The following SEMA3A variants were observed in gnomAD, a reference collection of about 807,000 sequenced individuals.
The protein encoded by SEMA3A is semaphorin-3A.
Under a neutral mutation model 97.9 loss-of-function variants are expected in SEMA3A, and 29 were observed. That is an observed-to-expected ratio of 0.30 (90% CI 0.22 to 0.40). The LOEUF is 0.40. SEMA3A is among the 10% of genes least tolerant of loss of function. SEMA3A has a pLI of 1.00. For synonymous variants in SEMA3A, 321 were observed against 323.7 expected (o/e 0.99, Z 0.09); for missense variants, 763 against 951.3 (o/e 0.80, Z 2.60).
chr7:84,154,956 G>A (rs1796795703), intron 1 of SEMA3A, among the ~76,000 whole-genome samples: 1 of 151,826 alleles, frequency 6.6e-6, no homozygotes, highest in Admixed American at 6.6e-5. Context: ...TTATTTCGAG[G>A]CCAATTATAT....
chr7:84,396,014 C>T (rs1015142870), intron 1 of SEMA3A, among the ~76,000 whole-genome samples: 1 of 151,952 alleles, frequency 6.6e-6, no homozygotes, highest in Admixed American at 6.6e-5. Context: ...CTGGAAGACA[C>T]ACTAAAGAAA....
intron 3 of SEMA3A, among the ~76,000 whole-genome samples, chr7:84,224,736 G>A (rs1798951332): frequency 1.3e-5 from 2 of 152,044 alleles, no homozygotes; most frequent in Admixed American, 1.3e-4. Flanking sequence ...CCACTGGGAA[G>A]TAGGTGTGAT....
chr7:84,001,472 A>T (rs1748486545), intron 12 of SEMA3A, among the ~76,000 whole-genome samples: 1 of 151,342 alleles, frequency 6.6e-6, no homozygotes, highest in Non-Finnish European at 1.5e-5. Context: ...AACCTCTCAA[A>T]TTTTTTTTTG....
chr7:84,108,909 A>AG (rs1245082653), intron 4 of SEMA3A, among the ~76,000 whole-genome samples: 45 of 125,170 alleles, frequency 3.6e-4, no homozygotes, highest in Non-Finnish European at 6.2e-4. Flanking sequence ...CATACTCACA[A>AG]GAAAAAAAAA....
intron 2 of SEMA3A, among the ~76,000 whole-genome samples, chr7:84,134,198 C>T (rs1235657987): frequency 6.6e-6 from 1 of 152,140 alleles, no homozygotes; most frequent in African/African-American, 2.4e-5. Context: ...CTTTGATCTC[C>T]TAGATCAGGG....
rs539139553 is a variant in SEMA3A at position 84,259,954 on chromosome 7, C to T, written c.-83+47253G>A. ...CTAGAGCACAGCTCATTGTAGATGC[C>T]GATACACAGCAAAACTTTTGATGCT... On this transcript the variant is annotated intron_variant, in intron 3 of 3. Transcript: ENST00000424555. Among the ~76,000 whole-genome samples, 10 of 152,148 alleles carry T rather than the reference C, an allele frequency of 6.6e-5. No homozygotes were observed. The East Asian group carries it at 9.7e-4, about 15-fold the overall frequency.
chr7:84,271,964 A>G (rs1800162724), intron 3 of SEMA3A, among the ~76,000 whole-genome samples: 1 of 152,036 alleles, frequency 6.6e-6, no homozygotes, highest in Non-Finnish European at 1.5e-5. Context: ...GCAAGCACTG[A>G]GTCTGTTTAC....
intron 3 of SEMA3A, among the ~76,000 whole-genome samples, chr7:84,268,314 G>T (rs544132630): frequency 6.5e-4 from 98 of 150,990 alleles, no homozygotes; most frequent in Non-Finnish European, 1.3e-3. Context: ...CTGAGAGAGA[G>T]AACTCTGACT....
chr7:84,208,175 T>A (rs574248202), intron 3 of SEMA3A, among the ~76,000 whole-genome samples: 10 of 152,058 alleles, frequency 6.6e-5, no homozygotes, highest in African/African-American at 2.4e-4. Flanking sequence ...AAGACAAGCC[T>A]GGCACTGTGG....
At chr7:84,349,685 G>A (rs1457773205) in intron 2 of SEMA3A, among the ~76,000 whole-genome samples, 6 of 152,222 alleles carry the variant, frequency 3.9e-5, no homozygotes, top group Admixed American at 3.3e-4. Flanking sequence ...AAAACAGTAC[G>A]CTCTCTGTTT....
chr7:84,061,040 A>C (rs926015023), intron 4 of SEMA3A, among the ~76,000 whole-genome samples: 2 of 152,154 alleles, frequency 1.3e-5, no homozygotes, highest in Non-Finnish European at 2.9e-5. Context: ...ATAGCCATCA[A>C]ATTTATTTTC....
chr7:84,150,482 C>G (rs915580075), intron 1 of SEMA3A, among the ~76,000 whole-genome samples: 1 of 152,150 alleles, frequency 6.6e-6, no homozygotes, highest in Non-Finnish European at 1.5e-5. Flanking sequence ...GGGTGACGGA[C>G]GGCACCTGGA....
chr7:84,065,236 A>C (rs879451432), intron 4 of SEMA3A, among the ~76,000 whole-genome samples: 87 of 134,634 alleles, frequency 6.5e-4, no homozygotes, highest in Non-Finnish European at 1.1e-3. Context: ...ACAAAGACAC[A>C]ACATACCAGA....
At chr7:84,052,010 C>G (rs1415291894) in intron 5 of SEMA3A, among the ~76,000 whole-genome samples, 3 of 151,684 alleles carry the variant, frequency 2.0e-5, no homozygotes, top group Non-Finnish European at 4.4e-5. Flanking sequence ...TGCTGGATTA[C>G]ATTTATTGAT....
rs114641109 is a variant in SEMA3A at position 84,172,871 on chromosome 7, A to G, written c.112+21604T>C. ...TTTATTTTTGTTTTGGAAAATATTG[A>G]AGTTCTAGAAAAAACATAAATTTCT... is the stretch of plus-strand genomic sequence containing the variant. On this transcript the variant is annotated intron_variant, in intron 1 of 16. Coordinates refer to ENST00000265362, the MANE Select transcript of SEMA3A (RefSeq NM_006080.3). Among the ~76,000 whole-genome samples the G allele has an allele frequency of 4.8e-3, 734 of 152,326 alleles. 5 individuals are homozygous for G. Among genetic ancestry groups the G allele is most frequent in the African/African-American group, 0.017 (693 of 41,580 alleles).
At chr7:84,250,168 CAT>C (rs1261103752) in intron 3 of SEMA3A, among the ~76,000 whole-genome samples, 8 of 151,046 alleles carry the variant, frequency 5.3e-5, no homozygotes, top group Admixed American at 1.3e-4. Flanking sequence ...TGTATAGAAA[CAT>C]ATAATTAGGC....
intron 1 of SEMA3A, among the ~76,000 whole-genome samples, chr7:84,470,918 A>C (rs942702257): frequency 1.3e-5 from 2 of 152,026 alleles, no homozygotes; most frequent in Admixed American, 6.6e-5. Context: ...CAGAGGGAAA[A>C]ATAGATTATG....
At chr7:84,432,315 GT>G (rs894660797) in intron 1 of SEMA3A, among the ~76,000 whole-genome samples, 3 of 151,686 alleles carry the variant, frequency 2.0e-5, no homozygotes, top group African/African-American at 4.8e-5. Context: ...AAATCATTTA[GT>G]TTTTTTTCTG....
intron 6 of SEMA3A, among the ~76,000 whole-genome samples, chr7:84,029,483 TATA>T (rs1287869441): frequency 6.6e-6 from 1 of 150,580 alleles, no homozygotes; most frequent in African/African-American, 2.4e-5. Context: ...CTACTTTAAC[TATA>T]ATGTTTATAG....
Sources: gnomAD v4.1 joint callset for allele counts (sites outside exome capture counted in the v4.1 genomes callset) on GRCh38, gnomAD v4.1.1 for gene constraint, MANE v1.5 for transcripts, NCBI Gene and HGNC (gene_info 2026-07-23, HGNC 2026-07-21) for gene names.